MCF2: variants seen among roughly 807,000 people sequenced by gnomAD.
The protein encoded by MCF2 is MCF.2 cell line derived transforming sequence.
Under a neutral mutation model 82.5 loss-of-function variants are expected in MCF2, and 44 were observed. That is an observed-to-expected ratio of 0.53 (90% CI 0.42 to 0.69). The LOEUF (loss-of-function observed/expected upper bound fraction) is 0.69. MCF2 is among the 30% of genes least tolerant of loss of function. The pLI, the probability that MCF2 is intolerant of heterozygous loss-of-function variation, is 0.00. For synonymous variants in MCF2, 217 were observed against 224.9 expected, an observed-to-expected ratio of 0.96 and a Z score of 0.32; for missense variants, 623 against 663.1, an observed-to-expected ratio of 0.94 and a Z score of 0.66.
intron 1 of MCF2, among the ~76,000 whole-genome samples, chrX:139,641,324 G>A (rs779988649): frequency 1.3e-4 from 14 of 109,747 alleles, no homozygotes; most frequent in East Asian, 5.7e-4. Context: ...ACCATAAATC[G>A]TCTGTTAAAA....
chrX:139,662,311 CT>C (rs1934378047), intron 1 of MCF2, among the ~76,000 whole-genome samples: 1 of 111,428 alleles, frequency 9.0e-6, no homozygotes, highest in Non-Finnish European at 1.9e-5. Context: ...AAAAGAACCC[CT>C]ATAAAGATTT....
intron 1 of MCF2, among the ~76,000 whole-genome samples, chrX:139,677,186 C>T (rs1934887824): frequency 9.0e-6 from 1 of 111,479 alleles, no homozygotes; most frequent in South Asian, 3.8e-4. Flanking sequence ...ACACACTGTG[C>T]ATGCTCCCCT....
At chrX:139,590,991 A>T (rs182689021) in intron 19 of MCF2, among the ~76,000 whole-genome samples, 4 of 111,460 alleles carry the variant, frequency 3.6e-5, no homozygotes, top group African/African-American at 1.3e-4. Context: ...ATTCCAACTA[A>T]CCTACTTCTG....
chrX:139,632,531 T>C (rs1203947900), intron 1 of MCF2, 77 bp from the exon 5 acceptor site: 14 of 872,369 alleles, frequency 1.6e-5, no homozygotes, highest in Non-Finnish European at 1.9e-5. Flanking sequence ...TCAGAAAATA[T>C]GTAACTGAAG....
At chrX:139,611,255 G>A (rs189221294) in intron 10 of MCF2, among the ~76,000 whole-genome samples, 73 of 111,656 alleles carry the variant, frequency 6.5e-4, no homozygotes, top group African/African-American at 2.3e-3. Context: ...TCAGGAAAAC[G>A]AAGGGCTGCT....
intron 2 of MCF2, among the ~76,000 whole-genome samples, chrX:139,631,947 G>A (rs1188166863): frequency 9.0e-6 from 1 of 111,071 alleles, no homozygotes; most frequent in African/African-American, 3.3e-5. Context: ...AAAAGTCATG[G>A]TACTCTGGAC....
intron 6 of MCF2, among the ~76,000 whole-genome samples, chrX:139,622,292 CT>C (rs1404403963): frequency 9.0e-6 from 1 of 111,651 alleles, no homozygotes; most frequent in Non-Finnish European, 1.9e-5. Flanking sequence ...GGACTGTAAA[CT>C]AGTTCAACCA....
chrX:139,627,191 C>T (rs184478995), intron 4 of MCF2, among the ~76,000 whole-genome samples: 2 of 111,911 alleles, frequency 1.8e-5, no homozygotes, highest in East Asian at 2.8e-4. Flanking sequence ...CTCAGGCTCC[C>T]GCGTAGCAGG....
chrX:139,600,547 G>A (rs1365984241), intron 16 of MCF2, among the ~76,000 whole-genome samples: 1 of 111,283 alleles, frequency 9.0e-6, no homozygotes, highest in Non-Finnish European at 1.9e-5. Context: ...TCTCAAACAA[G>A]TGACCCTCAG....
chrX:139,647,835 T>C (rs923342047), upstream of MCF2, among the ~76,000 whole-genome samples: 4 of 111,965 alleles, frequency 3.6e-5, no homozygotes, highest in African/African-American at 1.3e-4. Context: ...GAGCCTTACA[T>C]GTGTTTAAGG....
intron 1 of MCF2, among the ~76,000 whole-genome samples, chrX:139,675,628 C>T (rs1388041826): frequency 8.9e-6 from 1 of 112,287 alleles, no homozygotes; most frequent in Non-Finnish European, 1.9e-5. Context: ...GTATCACCAG[C>T]GGAGGCTGCA....
At chrX:139,594,532 G>A (rs1929858711) in intron 19 of MCF2, among the ~76,000 whole-genome samples, 1 of 110,676 alleles carries the variant, frequency 9.0e-6, no homozygotes, top group Admixed American at 9.6e-5. Flanking sequence ...TATGTAGAAA[G>A]CTGAAACTGG....
At chrX:139,685,502 T>C (rs1935099802) in intron 1 of MCF2, among the ~76,000 whole-genome samples, 1 of 111,113 alleles carries the variant, frequency 9.0e-6, no homozygotes, top group East Asian at 2.8e-4. Flanking sequence ...CCCAGTCATG[T>C]ACCCCCTGCT....
intron 11 of MCF2, among the ~76,000 whole-genome samples, chrX:139,608,541 C>T (rs1931233081): frequency 2.7e-5 from 3 of 111,175 alleles, no homozygotes. Flanking sequence ...CCAATCTCAG[C>T]TGTATTGGAC....
chrX:139,684,604 T>C (rs917452930), intron 1 of MCF2, among the ~76,000 whole-genome samples: 2 of 112,648 alleles, frequency 1.8e-5, no homozygotes, highest in African/African-American at 3.2e-5. Flanking sequence ...ATTGGATAAT[T>C]AAAATGTGGC....
At chrX:139,676,739 T>C (rs897373898) in intron 1 of MCF2, among the ~76,000 whole-genome samples, 8 of 112,324 alleles carry the variant, frequency 7.1e-5, no homozygotes, top group African/African-American at 2.6e-4. Flanking sequence ...AAGTGCTCGA[T>C]AAATGTCGGC....
upstream of MCF2, among the ~76,000 whole-genome samples, chrX:139,643,148 T>C (rs1933666483): frequency 8.9e-6 from 1 of 111,815 alleles, no homozygotes; most frequent in Non-Finnish European, 1.9e-5. Context: ...ACGGATACAA[T>C]TCTCTCCCAA....
At chrX:139,590,918 C>A (rs1929463008) in intron 19 of MCF2, among the ~76,000 whole-genome samples, 1 of 110,738 alleles carries the variant, frequency 9.0e-6, no homozygotes, top group South Asian at 3.8e-4. Context: ...TAACATCCAC[C>A]CTGAACGTAG....
At chrX:139,617,697 A>G in exon 8 of MCF2, 1 of 1,163,268 alleles carries the variant, frequency 8.6e-7, no homozygotes, top group Non-Finnish European at 1.2e-6. Context: ...GGCCTTTGAT[A>G]ATAGCTCCTG....
Sources: gnomAD v4.1 joint callset for allele counts (sites outside exome capture counted in the v4.1 genomes callset) on GRCh38, gnomAD v4.1.1 for gene constraint, MANE v1.5 for transcripts, NCBI Gene and HGNC (gene_info 2026-07-23, HGNC 2026-07-21) for gene names.